RANBP3: variants seen among roughly 807,000 people sequenced by gnomAD.
RANBP3 encodes RAN binding protein 3, also known as ran-binding protein 3.
RANBP3 carries 14 observed loss-of-function variants against 77.3 expected under a neutral mutation model. That is an observed-to-expected ratio of 0.18 (90% CI 0.12 to 0.28). RANBP3 has a LOEUF of 0.28. Among genes scored for constraint, RANBP3 ranks in the 10% least tolerant of loss-of-function variants. The pLI, the probability that RANBP3 is intolerant of heterozygous loss-of-function variation, is 1.00. For missense variants in RANBP3, 586 were observed against 752.3 expected (o/e 0.78, Z 2.59); for synonymous variants, 315 against 312.4 (o/e 1.01, Z -0.09).
intron 1 of RANBP3, among the ~76,000 whole-genome samples, chr19:5,970,346 C>A (rs1042519095): frequency 6.6e-6 from 1 of 152,106 alleles, no homozygotes; most frequent in African/African-American, 2.4e-5. Context: ...CGCCTCTCTC[C>A]CTCCCCACTC....
chr19:5,924,944 G>C lies in RANBP3; in HGVS notation c.918-39C>G. 1 of 1,573,826 alleles carries C rather than the reference G, an allele frequency of 6.4e-7. No homozygotes were observed. Among genetic ancestry groups the C allele is most frequent in the Non-Finnish European group, 8.7e-7 (1 of 1,143,446 alleles). ...GTGCAATGAGTGTGGGGCGTCACGT[G>C]GGAACGTGGCCAGGCAAATGTATGG... On this transcript the variant is annotated intron_variant, in intron 10 of 16. Coordinates refer to ENST00000340578, the MANE Select transcript of RANBP3 (RefSeq NM_007322.3). The surrounding 1 kb of genome is among the most constrained non-coding windows in gnomAD (Gnocchi z 4.7).
intron 3 of RANBP3, among the ~76,000 whole-genome samples, chr19:5,948,755 G>A (rs766222772): frequency 1.2e-4 from 18 of 152,222 alleles, no homozygotes; most frequent in Middle Eastern, 3.4e-3. Flanking sequence ...TCTGGCCAGA[G>A]GGATTCATTC....
intron 5 of RANBP3, among the ~76,000 whole-genome samples, chr19:5,939,757 C>T (rs1344849265): frequency 4.8e-5 from 1 of 20,818 alleles, no homozygotes; most frequent in Non-Finnish European, 7.5e-5. Flanking sequence ...AACAGCAAAC[C>T]CCAAGACTCT....
intron 1 of RANBP3, among the ~76,000 whole-genome samples, chr19:5,967,103 G>A (rs2145257964): frequency 6.6e-6 from 1 of 152,340 alleles, no homozygotes; most frequent in Admixed American, 6.5e-5. Flanking sequence ...GGTACGGAAT[G>A]GAACTGATCT....
At chr19:5,955,160 C>G (rs2058321198) in intron 2 of RANBP3, among the ~76,000 whole-genome samples, 2 of 152,094 alleles carry the variant, frequency 1.3e-5, no homozygotes, top group South Asian at 4.1e-4. Flanking sequence ...GAGATGGAGT[C>G]TCACTCTGTC....
At chr19:5,934,829 T>C (rs544197674) in intron 5 of RANBP3, among the ~76,000 whole-genome samples, 1 of 152,300 alleles carries the variant, frequency 6.6e-6, no homozygotes, top group African/African-American at 2.4e-5. Flanking sequence ...AGTGAGACCT[T>C]GTCTCAAACA....
At position 5,922,061 on chromosome 19, in the gene RANBP3, G is replaced by A. The variant is rs527267304; in HGVS notation, c.1210-740C>T. ...CTGGGGAGGGAGGAGGAGTTACTGC[G>A]AATGGACAATGCTCTTTCTGGGGGA... is the stretch of plus-strand genomic sequence containing the variant. On this transcript the variant is annotated intron_variant, in intron 13 of 16. Transcript: ENST00000340578. Among the ~76,000 whole-genome samples the A allele has an allele frequency of 3.9e-5, 6 of 152,318 alleles. No homozygotes were observed. In the East Asian group the frequency reaches 5.8e-4, roughly 15 times the overall value.
intron 3 of RANBP3, among the ~76,000 whole-genome samples, chr19:5,946,650 G>A (rs975472308): frequency 2.6e-5 from 4 of 152,138 alleles, no homozygotes; most frequent in African/African-American, 9.7e-5. Context: ...GTGAGGTGCC[G>A]CCTGCCCTCT....
At chr19:5,947,997 T>G (rs1434240948) in intron 3 of RANBP3, among the ~76,000 whole-genome samples, 1 of 152,200 alleles carries the variant, frequency 6.6e-6, no homozygotes, top group South Asian at 2.1e-4. Flanking sequence ...TGTCAGACTG[T>G]CTGGTGTGTC....
intron 13 of RANBP3, among the ~76,000 whole-genome samples, chr19:5,922,693 A>C (rs912791964): frequency 6.6e-6 from 1 of 152,202 alleles, no homozygotes; most frequent in Admixed American, 6.5e-5. Context: ...TCATCCCAGC[A>C]CTTTGGGAGG....
At chr19:5,974,675 C>T (rs767864879) in intron 1 of RANBP3, among the ~76,000 whole-genome samples, 14 of 152,048 alleles carry the variant, frequency 9.2e-5, no homozygotes, top group South Asian at 4.1e-4. Context: ...AACATTTCCT[C>T]GTATACAAGC....
In RANBP3 at chr19:5,924,764, T is replaced by C; in HGVS notation, c.996+63A>G. On this transcript the variant is annotated intron_variant, in intron 11 of 16. Transcript: ENST00000340578. This position sits in a 1 kb window ranked among gnomAD's most constrained non-coding sequence, Gnocchi z 4.7. ...CAGCAGCCCTGCTCTCCATGTCCCCTTGACCTGTGGCTGGCGCCGAGAGCC... is the reference window on the plus strand; with the variant it reads ...CAGCAGCCCTGCTCTCCATGTCCCCCTGACCTGTGGCTGGCGCCGAGAGCC... 6.6e-7 allele frequency: 1 copy of C among 1,509,388 alleles called. No individual in the cohort carries two copies. Among genetic ancestry groups the C allele is most frequent in the Non-Finnish European group, 9.2e-7 (1 of 1,085,338 alleles). 93.5% of individuals were successfully genotyped at this position (1,509,388 alleles called of 1,614,324 possible).
At chr19:5,933,537 G>T in intron 5 of RANBP3, 58 bp from the exon 6 acceptor site, 1 of 1,467,466 alleles carries the variant, frequency 6.8e-7, no homozygotes. Flanking sequence ...GCTGGGCCTG[G>T]GGGGCAAGGG....
Position 5,921,003 on chromosome 19 carries a change from G to C in RANBP3, c.1330+198C>G, listed in dbSNP as rs1184328942. Reference sequence around the variant, plus strand: ...GGTCACGGACGAGCTGGCAGCTGGAGCCAGTGTGTGAGGGTGGTGTTGAGG... The same window carrying C: ...GGTCACGGACGAGCTGGCAGCTGGACCCAGTGTGTGAGGGTGGTGTTGAGG... On this transcript the variant is annotated intron_variant, in intron 14 of 16. Transcript: ENST00000340578. This position sits in a 1 kb window ranked among gnomAD's most constrained non-coding sequence, Gnocchi z 5.3. The C allele has an allele frequency of 2.1e-6, 1 of 469,632 alleles. No homozygotes were observed. Among genetic ancestry groups the C allele is most frequent in the Admixed American group, 4.2e-5 (1 of 23,614 alleles). 29.1% of individuals were successfully genotyped at this position (469,632 alleles called of 1,614,324 possible). A position where few individuals can be genotyped will look rare whatever the true frequency, so the allele number is the denominator to read the frequency against.
chr19:5,947,509 G>A lies in RANBP3; in HGVS notation c.282+3884C>T, dbSNP rs1465366348. On this transcript the variant is annotated intron_variant, in intron 3 of 16. Coordinates refer to ENST00000340578, the MANE Select transcript of RANBP3 (RefSeq NM_007322.3). ...AGGCGCAGGGCTTCAGGATGACACC[G>A]GGGAATGCTGGGTCAGCATCCATTT... Among the ~76,000 whole-genome samples, 11 of 152,200 alleles carry A rather than the reference G, an allele frequency of 7.2e-5. No individual in the cohort carries two copies. The East Asian group carries it at 1.7e-3, about 24-fold the overall frequency.
chr19:5,925,026 T>G (rs1599725233), intron 10 of RANBP3, 121 bp from the exon 11 acceptor site: 1 of 872,812 alleles, frequency 1.1e-6, no homozygotes. Context: ...TCCGCCACTG[T>G]GCACGGGGTG....
intron 2 of RANBP3, 48 bp downstream of exon 2, chr19:5,957,870 G>C: frequency 6.3e-7 from 1 of 1,599,542 alleles, no homozygotes; most frequent in Non-Finnish European, 8.6e-7. Flanking sequence ...AGTAAAGAGA[G>C]AACAAATTAG....
rs767121407 is a variant in RANBP3, at chr19:5,923,855, C to T, written c.1056G>A (p.Glu352=). 7 of 1,614,094 alleles carry T rather than the reference C, an allele frequency of 4.3e-6. No homozygotes were observed. In the Admixed American group the frequency reaches 5.0e-5, roughly 12 times the overall value. ...SDANRENAAA[E]SGSESSSQEA... is the part of the protein sequence containing the mutation. ...CCTGGGACGAGGACTCAGACCCTGA[C>T]TCGGCAGCTGCATTTTCCCTGTTGG... Residue 352 remains glutamate, a synonymous_variant, in exon 12 of 17, where the codon GAG becomes GAA. Transcript: ENST00000340578.
Position 5,917,230 on chromosome 19 carries a change from GA to G in RANBP3, c.*379del. 3.0e-6 allele frequency: 1 copy of G among 338,786 alleles called. No individual in the cohort carries two copies. The highest frequency in any genetic ancestry group is 5.6e-6 in the Non-Finnish European group (1 of 177,896). The allele number at this position is 338,786 out of a possible 1,614,324, so 21.0% of individuals were successfully genotyped here. The stretch of plus-strand genomic sequence containing the variant: ...AAGGCAGGGCCCCACAGCAGGGTGG[GA>G]AGGGTGTGGGTGGCGGAGAAGCCAG... On this transcript the variant is annotated 3_prime_UTR_variant, in exon 17 of 17. Transcript: ENST00000340578.
Sources: gnomAD v4.1 joint callset for allele counts (sites outside exome capture counted in the v4.1 genomes callset) on GRCh38, gnomAD v4.1.1 for gene constraint, Gnocchi (gnomAD v3.1) non-coding constraint, MANE v1.5 for transcripts, NCBI Gene and HGNC (gene_info 2026-07-23, HGNC 2026-07-21) for gene names.